TRAK2: variants seen among roughly 807,000 people sequenced by gnomAD.
TRAK2 encodes trafficking kinesin protein 2, also known as trafficking kinesin-binding protein 2.
Under a neutral mutation model 104.6 loss-of-function variants are expected in TRAK2, and 81 were observed. The ratio of observed to expected loss-of-function variants is 0.77; its 90% CI spans 0.65 to 0.93. TRAK2 has a LOEUF of 0.93. Ranked by LOEUF, TRAK2 falls within the 40% of genes least tolerant of loss-of-function variation. The pLI is 0.00. For synonymous variants in TRAK2, 406 were observed against 394.4 expected, an observed-to-expected ratio of 1.03 and a Z score of -0.35; for missense variants, 1,002 against 1,089.0, an observed-to-expected ratio of 0.92 and a Z score of 1.12.
intron 1 of TRAK2, among the ~76,000 whole-genome samples, chr2:201,443,442 A>G (rs990478086): frequency 2.0e-5 from 3 of 152,112 alleles, no homozygotes; most frequent in African/African-American, 7.2e-5. Context: ...CTTGGTCTTT[A>G]AATGTTAGTG....
At chr2:201,428,128 C>T (rs1951806579) in intron 1 of TRAK2, among the ~76,000 whole-genome samples, 1 of 152,012 alleles carries the variant, frequency 6.6e-6, no homozygotes, top group Non-Finnish European at 1.5e-5. Context: ...TGCCTGTTCA[C>T]TCTGATGGTA....
At chr2:201,389,251 C>T (rs751515645) in intron 12 of TRAK2, 49 bp downstream of exon 12, 20 of 1,534,684 alleles carry the variant, frequency 1.3e-5, no homozygotes, top group African/African-American at 6.8e-5. Context: ...GAATCTGGTG[C>T]GGCAATGTGA....
At chr2:201,399,243 T>C (rs1004898458) in intron 5 of TRAK2, 134 bp downstream of exon 5, 11 of 591,258 alleles carry the variant, frequency 1.9e-5, no homozygotes, top group African/African-American at 5.6e-5. Context: ...ATTAGTTTAA[T>C]GGACACCAAC....
chr2:201,393,809 G>A (rs1951471438), intron 9 of TRAK2, among the ~76,000 whole-genome samples: 1 of 152,170 alleles, frequency 6.6e-6, no homozygotes, highest in Non-Finnish European at 1.5e-5. Context: ...GTGCAGTGGT[G>A]TGATTATGGC....
At chr2:201,423,612 T>A (rs1951761535) in intron 1 of TRAK2, 1 of 152,278 alleles carries the variant, frequency 6.6e-6, no homozygotes, top group African/African-American at 2.4e-5. Flanking sequence ...AAAAATAAAA[T>A]TTTTTTAAAA....
At chr2:201,424,339 T>G (rs1951767929) in intron 1 of TRAK2, among the ~76,000 whole-genome samples, 1 of 152,232 alleles carries the variant, frequency 6.6e-6, no homozygotes, top group Admixed American at 6.5e-5. Context: ...TTTTAAATTC[T>G]AACACTCCAA....
In TRAK2 at chr2:201,444,899, T is replaced by C. The variant is rs368656197; in HGVS notation, c.-200+6451A>G. Among the ~76,000 whole-genome samples, 12 of 152,256 alleles carry C rather than the reference T, an allele frequency of 7.9e-5. 1 individual carries two copies. The highest frequency in any genetic ancestry group is 7.8e-4 in the Admixed American group (12 of 15,304). ...TGGGGGAATTCTTTCACCATTAACA[T>C]GCACAATTCATCAACTCCATTGTTA... On this transcript the variant is annotated intron_variant, in intron 1 of 15. Coordinates refer to ENST00000332624, the MANE Select transcript of TRAK2 (RefSeq NM_015049.3).
In TRAK2 at chr2:201,407,460, G is replaced by C. The variant is rs1441843990; in HGVS notation, c.229C>G (p.Gln77Glu). The change falls in exon 3 of 16, where the codon CAG (glutamine) becomes GAG (glutamate). Residue 77 changes from glutamine to glutamate, a missense_variant. Physicochemically the swap from Gln to Glu is conservative, Grantham distance 29 (BLOSUM62 2). Coordinates refer to ENST00000332624, the MANE Select transcript of TRAK2 (RefSeq NM_015049.3). The part of the protein sequence containing the change: ...QDWTQSPHQR[Q>E]HASDALSPVL... ...GGAGAGAGAGCATCAGATGCATGCT[G>C]CCGCTGGTGTGGAGACTGAGTCCAG... The C allele has an allele frequency of 6.2e-7, 1 of 1,614,108 alleles. No homozygotes were observed. Among genetic ancestry groups the C allele is most frequent in the Admixed American group, 1.7e-5 (1 of 60,022 alleles).
intron 10 of TRAK2, among the ~76,000 whole-genome samples, chr2:201,390,796 C>T (rs1951441074): frequency 6.6e-6 from 1 of 151,558 alleles, no homozygotes; most frequent in African/African-American, 2.4e-5. Flanking sequence ...AATAAACATG[C>T]ATAGCTTTTA....
intron 1 of TRAK2, among the ~76,000 whole-genome samples, chr2:201,424,691 C>T (rs1951771780): frequency 6.6e-6 from 1 of 152,040 alleles, no homozygotes; most frequent in South Asian, 2.1e-4. Flanking sequence ...CAAGCTCTGA[C>T]TCCCGGGTTC....
At position 201,386,335 on chromosome 2, in the gene TRAK2, C is replaced by T. The variant is rs149150029; in HGVS notation, c.1846G>A (p.Glu616Lys). The stretch of plus-strand genomic sequence containing the variant: ...TGCTGAACCTGAAAAGTAATACCCT[C>T]CTCTTCATCCTCTTCTAAATCTGAG... ...HISDLEEDEE[E>K]GITFQVQQPL... The change falls in exon 14 of 16, where the codon GAG (glutamate) becomes AAG (lysine). Residue 616 changes from glutamate (E) to lysine (K), a missense_variant. By Grantham distance (56) the Glu-to-Lys change is moderately conservative. Transcript: ENST00000332624. 2 of 1,614,176 alleles carry T rather than the reference C, an allele frequency of 1.2e-6. No individual in the cohort carries two copies. The highest frequency in any genetic ancestry group is 8.5e-7 in the Non-Finnish European group (1 of 1,180,036).
Position 201,447,887 on chromosome 2 carries a change from G to A in TRAK2, c.-200+3463C>T, listed in dbSNP as rs967744982. Among the ~76,000 whole-genome samples the A allele has an allele frequency of 4.6e-5, 7 of 152,164 alleles. No homozygotes were observed. The highest frequency in any genetic ancestry group is 1.7e-4 in the African/African-American group (7 of 41,448). On this transcript the variant is annotated intron_variant, in intron 1 of 15. Coordinates refer to ENST00000332624, the MANE Select transcript of TRAK2 (RefSeq NM_015049.3). The surrounding 1 kb of genome is among the most constrained non-coding windows in gnomAD (Gnocchi z 4.1). Reference sequence around the variant, plus strand: ...AGTAACTTCAGTGTTCTTTCTCTGTGCTCCCAAAGTACCTCGGCAAGCTGT... The same window carrying A: ...AGTAACTTCAGTGTTCTTTCTCTGTACTCCCAAAGTACCTCGGCAAGCTGT...
At chr2:201,425,360 G>C (rs1559450980) in intron 1 of TRAK2, among the ~76,000 whole-genome samples, 1 of 152,154 alleles carries the variant, frequency 6.6e-6, no homozygotes, top group African/African-American at 2.4e-5. Context: ...ACATCCGTAA[G>C]TGCATTTAAA....
At chr2:201,394,038 C>T (rs931574747) in intron 9 of TRAK2, among the ~76,000 whole-genome samples, 1 of 152,148 alleles carries the variant, frequency 6.6e-6, no homozygotes, top group Admixed American at 6.5e-5. Flanking sequence ...GCATGAGCTA[C>T]TGTGCTTGGC....
At chr2:201,404,482 T>C (rs1951576397) in intron 3 of TRAK2, among the ~76,000 whole-genome samples, 1 of 152,240 alleles carries the variant, frequency 6.6e-6, no homozygotes, top group South Asian at 2.1e-4. Context: ...GAATCTAATG[T>C]TCCTGAAAAT....
intron 2 of TRAK2, chr2:201,411,930 G>T: frequency 2.0e-6 from 2 of 1,011,390 alleles, no homozygotes; most frequent in African/African-American, 1.6e-5. Context: ...CAGAGCTCCT[G>T]GTATTGAATG....
intron 1 of TRAK2, among the ~76,000 whole-genome samples, chr2:201,440,154 G>A (rs542251771): frequency 6.6e-6 from 1 of 151,232 alleles, no homozygotes; most frequent in South Asian, 2.1e-4. Context: ...ACCCCAACAA[G>A]TCTGCACCCA....
chr2:201,405,885 G>A (rs1177889145), intron 3 of TRAK2, among the ~76,000 whole-genome samples: 1 of 152,200 alleles, frequency 6.6e-6, no homozygotes, highest in Non-Finnish European at 1.5e-5. Flanking sequence ...AGGAGGCTGA[G>A]GCAGGAGAAT....
At chr2:201,435,321 G>C (rs1310473742) in intron 1 of TRAK2, among the ~76,000 whole-genome samples, 1 of 152,206 alleles carries the variant, frequency 6.6e-6, no homozygotes, top group East Asian at 1.9e-4. Flanking sequence ...GCCTCCCAAA[G>C]TGCTGGGTTT....
Sources: allele counts gnomAD v4.1 joint callset (sites outside exome capture counted in the v4.1 genomes callset), GRCh38; gene constraint gnomAD v4.1.1; non-coding constraint Gnocchi (gnomAD v3.1); transcripts MANE v1.5; gene names NCBI Gene and HGNC (gene_info 2026-07-23, HGNC 2026-07-21).